Variants in SMG1 observed in about 807,000 individuals in gnomAD.
The protein encoded by SMG1 is SMG1 nonsense mediated mRNA decay associated PI3K related kinase.
In SMG1, 22 loss-of-function variants were observed where a neutral mutation model predicts 419.9. The observed-to-expected ratio is 0.05, with a 90% CI of 0.04 to 0.07. The LOEUF is 0.07. SMG1 is among the 10% of genes least tolerant of loss of function. SMG1 has a pLI of 1.00. For missense variants in SMG1, 3,185 were observed against 4,342.0 expected, an observed-to-expected ratio of 0.73 and a Z score of 7.49; for synonymous variants, 1,538 against 1,553.5, an observed-to-expected ratio of 0.99 and a Z score of 0.23.
chr16:18,925,918 G>A (rs1258682207), intron 1 of SMG1, 32 bp downstream of exon 1: 1 of 1,484,878 alleles, frequency 6.7e-7, no homozygotes, highest in Non-Finnish European at 9.0e-7. Context: ...GAGCCCGGGA[G>A]GTCGGGGCGG....
intron 51 of SMG1, among the ~76,000 whole-genome samples, 199 bp downstream of exon 51, chr16:18,832,741 C>T (rs146644880): frequency 3.0e-4 from 45 of 151,096 alleles, no homozygotes; most frequent in African/African-American, 1.1e-3. Context: ...CCTGCCTGCA[C>T]TTTTTTTTTA....
chr16:18,862,842 G>A (rs1438903141), intron 25 of SMG1, among the ~76,000 whole-genome samples: 1 of 152,132 alleles, frequency 6.6e-6, no homozygotes, highest in Admixed American at 6.5e-5. Context: ...AGGCCTCCCA[G>A]CTATTTCCAG....
intron 1 of SMG1, among the ~76,000 whole-genome samples, chr16:18,906,709 TCTGCCTTTACTTG>T (rs1180594997): frequency 2.0e-5 from 3 of 152,168 alleles, no homozygotes; most frequent in African/African-American, 7.2e-5. Flanking sequence ...CATCAAACAA[TCTGCCTTTACTTG>T]CTGCAGCCAA....
chr16:18,857,546 G>C (rs1256092369), intron 29 of SMG1: 1 of 152,118 alleles, frequency 6.6e-6, no homozygotes, highest in Non-Finnish European at 1.5e-5. Flanking sequence ...AAAATTATGA[G>C]ATAATCACTA....
At chr16:18,886,596 A>G (rs375881300) in intron 6 of SMG1, among the ~76,000 whole-genome samples, 1 of 152,192 alleles carries the variant, frequency 6.6e-6, no homozygotes, top group South Asian at 2.1e-4. Flanking sequence ...TGAGGTCAGG[A>G]GTTCAAGACC....
chr16:18,838,453 T>C lies in SMG1; in HGVS notation c.7098A>G (p.Arg2366=), dbSNP rs1408470993. 1 of 1,613,936 alleles carries C rather than the reference T, an allele frequency of 6.2e-7. No homozygotes were observed. Among genetic ancestry groups the C allele is most frequent in the African/African-American group, 1.3e-5 (1 of 74,940 alleles). The change falls in exon 44 of 63, where the codon AGA becomes AGG. Residue 2366 remains arginine (R), a synonymous_variant. Coordinates refer to ENST00000446231, the MANE Select transcript of SMG1 (RefSeq NM_015092.5). ...NVCFEKGKSL[R]VPEKVPFRMT... ...TTCGAAAAGGTACTTTCTCAGGAAC[T>C]CTAAGGCTTTTACCTTGAAAAGACA...
At chr16:18,830,800 AAAG>A (rs1343086045) in intron 51 of SMG1, among the ~76,000 whole-genome samples, 7 of 152,182 alleles carry the variant, frequency 4.6e-5, no homozygotes, top group Non-Finnish European at 8.8e-5. Context: ...TCTCAAAAAA[AAAG>A]AAGGAATGTT....
chr16:18,886,731 G>C (rs943777777), intron 6 of SMG1, among the ~76,000 whole-genome samples: 3 of 152,156 alleles, frequency 2.0e-5, no homozygotes, highest in Admixed American at 6.5e-5. Context: ...GAACCTGGGA[G>C]GCGGAGGTTG....
intron 1 of SMG1, among the ~76,000 whole-genome samples, chr16:18,904,281 A>C (rs192223672): frequency 2.6e-5 from 4 of 151,570 alleles, no homozygotes; most frequent in Admixed American, 2.6e-4. Context: ...ACTACTGCTT[A>C]TCACATCATC....
intron 55 of SMG1, among the ~76,000 whole-genome samples, chr16:18,827,617 AAT>A (rs1414382238): frequency 6.9e-6 from 1 of 144,492 alleles, no homozygotes; most frequent in African/African-American, 2.5e-5. Context: ...AATATACCAA[AAT>A]ATATATTTTT....
chr16:18,898,378 A>C (rs574730598), intron 1 of SMG1, among the ~76,000 whole-genome samples: 234 of 152,334 alleles, frequency 1.5e-3, no homozygotes, highest in South Asian at 7.0e-3. Flanking sequence ...CTAAGTACTT[A>C]GAACATAAGG....
intron 31 of SMG1, among the ~76,000 whole-genome samples, chr16:18,853,342 T>C (rs2034704186): frequency 1.3e-5 from 2 of 152,206 alleles, no homozygotes; most frequent in African/African-American, 4.8e-5. Flanking sequence ...GGGCAGGATC[T>C]TATTGCCAGC....
At chr16:18,841,069 CAAAACCAAAA>C (rs1272055299) in intron 41 of SMG1, among the ~76,000 whole-genome samples, 1 of 151,594 alleles carries the variant, frequency 6.6e-6, no homozygotes, top group Non-Finnish European at 1.5e-5. Flanking sequence ...CTTTAAAAAA[CAAAACCAAAA>C]AAAAGCAAAC....
At chr16:18,865,285 A>G (rs1195643199) in intron 23 of SMG1, among the ~76,000 whole-genome samples, 3 of 152,220 alleles carry the variant, frequency 2.0e-5, no homozygotes, top group Admixed American at 1.3e-4. Context: ...GTAAAGTACA[A>G]TAACTATTTT....
At chr16:18,884,521 G>A (rs1383604220) in intron 8 of SMG1, among the ~76,000 whole-genome samples, 1 of 152,096 alleles carries the variant, frequency 6.6e-6, no homozygotes, top group African/African-American at 2.4e-5. Context: ...CATTAAAGGT[G>A]TATACTCATC....
chr16:18,829,197 A>C, intron 54 of SMG1, 89 bp downstream of exon 54: 1 of 1,192,428 alleles, frequency 8.4e-7, no homozygotes, highest in Non-Finnish European at 1.1e-6. Flanking sequence ...AGTTTTAAAA[A>C]AATTTCTGTG....
In SMG1 at chr16:18,870,133, T is replaced by A. The variant is rs544994183; in HGVS notation, c.2493-139A>T. The A allele has an allele frequency of 2.0e-5, 12 of 611,778 alleles. No homozygotes were observed. The South Asian group carries it at 2.0e-4, about 10-fold the overall frequency. The allele number at this position is 611,778 out of a possible 1,614,324, so 37.9% of individuals were successfully genotyped here. A position where few individuals can be genotyped will look rare whatever the true frequency, so the allele number is the denominator to read the frequency against. The stretch of plus-strand genomic sequence containing the variant: ...TGAGACTTTCAAATGGATACAGAGA[T>A]GTGATTACAACTTTAGATCCTTTTT... On this transcript the variant is annotated intron_variant, in intron 18 of 62. Coordinates refer to ENST00000446231, the MANE Select transcript of SMG1 (RefSeq NM_015092.5).
chr16:18,911,252 C>A (rs1164004081), intron 1 of SMG1: 1 of 152,120 alleles, frequency 6.6e-6, no homozygotes, highest in Non-Finnish European at 1.5e-5. Flanking sequence ...ACCTGTAATC[C>A]CAGCACCTTG....
intron 10 of SMG1, among the ~76,000 whole-genome samples, chr16:18,880,727 G>C (rs1276127705): frequency 7.3e-6 from 1 of 136,676 alleles, no homozygotes. Context: ...AAAAAGGGGG[G>C]GGGCGCGGAG....
Sources: allele counts gnomAD v4.1 joint callset (sites outside exome capture counted in the v4.1 genomes callset), GRCh38; gene constraint gnomAD v4.1.1; transcripts MANE v1.5; gene names NCBI Gene and HGNC (gene_info 2026-07-23, HGNC 2026-07-21).